Variants in RAB7A observed in about 807,000 individuals in gnomAD.
The protein encoded by RAB7A is RAB7A, member RAS oncogene family.
In RAB7A, 2 loss-of-function variants were observed where a neutral mutation model predicts 24.5. The ratio of observed to expected loss-of-function variants is 0.08; its 90% CI spans 0.03 to 0.26. RAB7A has a LOEUF of 0.26. RAB7A is among the 10% of genes least tolerant of loss of function. The pLI is 1.00. For synonymous variants in RAB7A, 100 were observed against 95.9 expected (o/e 1.04, Z -0.25); for missense variants, 118 against 255.7 (o/e 0.46, Z 3.67).
chr3:128,726,847 C>T (rs1230977202), intron 1 of RAB7A, among the ~76,000 whole-genome samples: 1 of 152,218 alleles, frequency 6.6e-6, no homozygotes, highest in African/African-American at 2.4e-5. Flanking sequence ...AGTGGGAGTT[C>T]CCTGACGGCA....
At chr3:128,732,146 TCTC>T (rs978463846) in intron 1 of RAB7A, among the ~76,000 whole-genome samples, 3 of 150,812 alleles carry the variant, frequency 2.0e-5, no homozygotes, top group African/African-American at 7.3e-5. Flanking sequence ...TTCAAGCAAT[TCTC>T]CTGCCTCAGC....
chr3:128,743,213 C>T (rs2070572800), intron 1 of RAB7A, among the ~76,000 whole-genome samples: 2 of 152,184 alleles, frequency 1.3e-5, no homozygotes, highest in South Asian at 2.1e-4. Context: ...CCGGCCACTC[C>T]GAGTGTGGGG....
chr3:128,765,734 C>G (rs925527360), intron 1 of RAB7A, among the ~76,000 whole-genome samples: 3 of 150,550 alleles, frequency 2.0e-5, no homozygotes, highest in African/African-American at 4.9e-5. Flanking sequence ...GACTTAATCA[C>G]TCCCCCAAAG....
chr3:128,728,806 T>C (rs2070405999), intron 1 of RAB7A, among the ~76,000 whole-genome samples: 1 of 152,220 alleles, frequency 6.6e-6, no homozygotes, highest in African/African-American at 2.4e-5. Context: ...GTAGTCCATG[T>C]CACTACTGTA....
At chr3:128,737,951 C>T (rs1019655465) in intron 1 of RAB7A, among the ~76,000 whole-genome samples, 25 of 144,126 alleles carry the variant, frequency 1.7e-4, no homozygotes, top group Middle Eastern at 7.2e-3. Context: ...GCTAGGATTA[C>T]AGGAATGAAT....
At chr3:128,795,596 T>C (rs540664817) in intron 2 of RAB7A, among the ~76,000 whole-genome samples, 176 bp downstream of exon 2, 3 of 152,094 alleles carry the variant, frequency 2.0e-5, no homozygotes, top group South Asian at 2.1e-4. Flanking sequence ...TTTTGTTCTC[T>C]AGTTTTTAGC....
chr3:128,748,588 C>T (rs2070644803), intron 1 of RAB7A: 1 of 152,204 alleles, frequency 6.6e-6, no homozygotes, highest in Non-Finnish European at 1.5e-5. Flanking sequence ...TTTGTTTTCC[C>T]AACAAGGACT....
intron 1 of RAB7A, among the ~76,000 whole-genome samples, chr3:128,727,010 A>C (rs1249875716): frequency 6.6e-6 from 1 of 152,196 alleles, no homozygotes; most frequent in Non-Finnish European, 1.5e-5. Flanking sequence ...TAATCGAGGA[A>C]AGATGGTAGT....
intron 3 of RAB7A, chr3:128,798,281 G>A: frequency 2.0e-6 from 1 of 503,452 alleles, no homozygotes; most frequent in Non-Finnish European, 3.5e-6. Context: ...GACTTGCTAA[G>A]ACACACTAAA....
chr3:128,764,821 TGTTCCC>T, intron 1 of RAB7A: 1 of 951,286 alleles, frequency 1.1e-6, no homozygotes, highest in Non-Finnish European at 1.7e-6. Context: ...TTTCTCGGCA[TGTTCCC>T]TCTCCTCATG....
chr3:128,771,061 C>G (rs1464233986), intron 1 of RAB7A, among the ~76,000 whole-genome samples: 3 of 152,114 alleles, frequency 2.0e-5, no homozygotes, highest in Non-Finnish European at 4.4e-5. Flanking sequence ...CCCCCACTTC[C>G]CGGGTTCAAG....
At chr3:128,754,849 A>G (rs947969397) in intron 1 of RAB7A, among the ~76,000 whole-genome samples, 20 of 152,234 alleles carry the variant, frequency 1.3e-4, no homozygotes, top group Admixed American at 1.2e-3. Context: ...GCAAAAAGAC[A>G]AAACACACTA....
chr3:128,784,873 T>C (rs1933303510), intron 1 of RAB7A, among the ~76,000 whole-genome samples: 1 of 152,198 alleles, frequency 6.6e-6, no homozygotes, highest in Non-Finnish European at 1.5e-5. Flanking sequence ...TTGGTATATG[T>C]TTGATTAATA....
intron 1 of RAB7A, among the ~76,000 whole-genome samples, chr3:128,770,782 T>C (rs1273301292): frequency 6.6e-6 from 1 of 152,140 alleles, no homozygotes; most frequent in Non-Finnish European, 1.5e-5. Flanking sequence ...AAATTGTAAT[T>C]AAGAAGGCAA....
chr3:128,770,857 A>T (rs968461141), intron 1 of RAB7A, among the ~76,000 whole-genome samples: 38 of 152,304 alleles, frequency 2.5e-4, no homozygotes, highest in African/African-American at 7.9e-4. Flanking sequence ...ACATAAAGCA[A>T]ATCGTTATAC....
At chr3:128,736,966 A>AT (rs1348255021) in intron 1 of RAB7A, among the ~76,000 whole-genome samples, 1 of 152,196 alleles carries the variant, frequency 6.6e-6, no homozygotes, top group African/African-American at 2.4e-5. Flanking sequence ...TTTAAATGCT[A>AT]AAAAGAGCTT....
chr3:128,808,081 G>T (rs1338033718), intron 5 of RAB7A, among the ~76,000 whole-genome samples: 1 of 152,164 alleles, frequency 6.6e-6, no homozygotes, highest in Non-Finnish European at 1.5e-5. Flanking sequence ...TTATGGCCGG[G>T]CACTGTGGCT....
chr3:128,813,412 G>T lies in RAB7A; in HGVS notation c.614G>T (p.Cys205Phe). Reference protein sequence around the residue: ...NDRAKASAESCSC With the variant: ...NDRAKASAESFSC ...CGGGCCAAGGCCTCGGCAGAAAGCT[G>T]CAGTTGCTGAGGGGGCAGTGAGAGT... is the stretch of plus-strand genomic sequence containing the variant. Residue 205 changes from cysteine (C) to phenylalanine (F), a missense_variant, in exon 6 of 6, where the codon TGC becomes TTC. Coordinates refer to ENST00000265062, the MANE Select transcript of RAB7A (RefSeq NM_004637.6). 6.2e-7 allele frequency: 1 copy of T among 1,614,136 alleles called. No individual in the cohort carries two copies. The highest frequency in any genetic ancestry group is 8.5e-7 in the Non-Finnish European group (1 of 1,180,002).
rs2070628348 is a variant in RAB7A, at chr3:128,747,338, G to A, written c.-9+20979G>A. Among the ~76,000 whole-genome samples the A allele has an allele frequency of 2.0e-5, 3 of 151,470 alleles. No homozygotes were observed. In the South Asian group the frequency reaches 6.2e-4, roughly 31 times the overall value. ...GCAGTGGCTCACGCCTGTAATCCCAGCACTTTGGGAGGCCGAGGTGGGCAG... is the reference window on the plus strand; with the variant it reads ...GCAGTGGCTCACGCCTGTAATCCCAACACTTTGGGAGGCCGAGGTGGGCAG... On this transcript the variant is annotated intron_variant, in intron 1 of 5. Transcript: ENST00000265062.
Sources: allele counts gnomAD v4.1 joint callset (sites outside exome capture counted in the v4.1 genomes callset), GRCh38; gene constraint gnomAD v4.1.1; transcripts MANE v1.5; gene names NCBI Gene and HGNC (gene_info 2026-07-23, HGNC 2026-07-21).